Variants in PTH2R observed in about 807,000 individuals in gnomAD.
The protein encoded by PTH2R is PTH2 receptor.
PTH2R carries 59 observed loss-of-function variants against 60.3 expected under a neutral mutation model. The observed-to-expected ratio is 0.98, with a 90% confidence interval of 0.79 to 1.22. The LOEUF is 1.22. Among genes scored for constraint, PTH2R ranks in the 50% most tolerant of loss-of-function variants. The pLI is 0.00. For missense variants in PTH2R, 749 were observed against 682.6 expected (o/e 1.10, Z -1.08); for synonymous variants, 256 against 243.8 (o/e 1.05, Z -0.47).
chr2:208,489,930 C>T (rs1429441662), intron 11 of PTH2R, among the ~76,000 whole-genome samples: 3 of 152,140 alleles, frequency 2.0e-5, no homozygotes, highest in African/African-American at 7.2e-5. Context: ...GCTTTTTCCC[C>T]AAATATTTAC....
chr2:208,367,424 CTTTTTT>C (rs141555131), intron 1 of PTH2R, among the ~76,000 whole-genome samples: 1 of 129,014 alleles, frequency 7.8e-6, no homozygotes, highest in Non-Finnish European at 1.6e-5. Context: ...TTTTCTCTTT[CTTTTTT>C]TTTTTTTTTT....
chr2:208,408,592 G>A (rs1040248533), intron 1 of PTH2R, among the ~76,000 whole-genome samples: 1 of 151,840 alleles, frequency 6.6e-6, no homozygotes, highest in African/African-American at 2.4e-5. Context: ...TTTGGGAGAC[G>A]GGAGGATCTC....
At chr2:208,473,867 A>C (rs1292844726) in intron 9 of PTH2R, among the ~76,000 whole-genome samples, 1 of 152,112 alleles carries the variant, frequency 6.6e-6, no homozygotes, top group Non-Finnish European at 1.5e-5. Flanking sequence ...TTATTGTTTC[A>C]ATTTTATAAC....
At chr2:208,493,218 G>C (rs757712378) in intron 12 of PTH2R, 46 bp from the exon 13 acceptor site, 1 of 1,415,524 alleles carries the variant, frequency 7.1e-7, no homozygotes, top group Non-Finnish European at 9.3e-7. Context: ...AGGCTGCAGG[G>C]TCTCCTTTAG....
chr2:208,381,530 C>A (rs1278522997), intron 1 of PTH2R, among the ~76,000 whole-genome samples: 1 of 152,084 alleles, frequency 6.6e-6, no homozygotes, highest in Non-Finnish European at 1.5e-5. Flanking sequence ...TTAAGTGATC[C>A]TCCTGCCTCA....
At chr2:208,483,251 A>G (rs1267461496) in intron 10 of PTH2R, among the ~76,000 whole-genome samples, 1 of 152,180 alleles carries the variant, frequency 6.6e-6, no homozygotes, top group East Asian at 1.9e-4. Flanking sequence ...GCATGAGTTT[A>G]TGGTGAAAGG....
intron 1 of PTH2R, among the ~76,000 whole-genome samples, chr2:208,412,424 A>T (rs910824287): frequency 1.3e-5 from 2 of 152,206 alleles, no homozygotes; most frequent in African/African-American, 4.8e-5. Flanking sequence ...GTAATCTCAG[A>T]TTCTCATTGC....
intron 1 of PTH2R, among the ~76,000 whole-genome samples, chr2:208,410,266 G>A (rs1384280133): frequency 1.3e-5 from 2 of 152,088 alleles, no homozygotes; most frequent in East Asian, 3.8e-4. Context: ...TATGAGATGG[G>A]CACTGTAATT....
chr2:208,415,237 AT>A (rs1047332336), intron 1 of PTH2R, among the ~76,000 whole-genome samples: 11 of 152,206 alleles, frequency 7.2e-5, no homozygotes, highest in East Asian at 1.9e-4. Flanking sequence ...ATATAAATAA[AT>A]TTTTTTTCTG....
chr2:208,461,445 T>C (rs937580553), intron 9 of PTH2R, among the ~76,000 whole-genome samples: 1 of 152,136 alleles, frequency 6.6e-6, no homozygotes, highest in Non-Finnish European at 1.5e-5. Context: ...TCCTCCTCTG[T>C]GTGTTTGCTT....
intron 1 of PTH2R, among the ~76,000 whole-genome samples, chr2:208,425,635 C>T (rs1701842465): frequency 6.6e-6 from 1 of 152,200 alleles, no homozygotes; most frequent in African/African-American, 2.4e-5. Flanking sequence ...CAAACACCAC[C>T]AGCTTGTCTT....
intron 1 of PTH2R, among the ~76,000 whole-genome samples, chr2:208,394,955 A>T (rs979502546): frequency 6.6e-6 from 1 of 152,176 alleles, no homozygotes; most frequent in Non-Finnish European, 1.5e-5. Flanking sequence ...CAATAACGAG[A>T]CTAAAATCTG....
intron 1 of PTH2R, among the ~76,000 whole-genome samples, chr2:208,409,716 G>C (rs1013819617): frequency 9.9e-5 from 15 of 152,068 alleles, no homozygotes; most frequent in Admixed American, 6.6e-5. Flanking sequence ...TTTCTGGTTG[G>C]TAAAGATATA....
At chr2:208,476,804 G>A (rs910228762) in intron 9 of PTH2R, among the ~76,000 whole-genome samples, 6 of 152,042 alleles carry the variant, frequency 3.9e-5, no homozygotes, top group Non-Finnish European at 8.8e-5. Context: ...GGCTGGGGTG[G>A]ATGATGTGAC....
chr2:208,437,378 A>G (rs536829192), intron 2 of PTH2R, among the ~76,000 whole-genome samples, 159 bp from the exon 3 acceptor site: 1 of 152,308 alleles, frequency 6.6e-6, no homozygotes, highest in East Asian at 1.9e-4. Flanking sequence ...ATTTTGGGAC[A>G]TTTGCATCAT....
intron 7 of PTH2R, among the ~76,000 whole-genome samples, chr2:208,446,081 A>G (rs1702282646): frequency 6.6e-6 from 1 of 152,176 alleles, no homozygotes; most frequent in African/African-American, 2.4e-5. Context: ...TTGATAGAAA[A>G]TTCAATAATG....
At chr2:208,402,421 T>A (rs981000782), upstream of PTH2R, among the ~76,000 whole-genome samples, 3 of 152,256 alleles carry the variant, frequency 2.0e-5, no homozygotes, top group Non-Finnish European at 4.4e-5. Flanking sequence ...CAATATTTAC[T>A]TTTTACAGTG....
At chr2:208,477,834 C>A (rs1225863245) in intron 9 of PTH2R, among the ~76,000 whole-genome samples, 1 of 150,994 alleles carries the variant, frequency 6.6e-6, no homozygotes, top group African/African-American at 2.4e-5. Context: ...TACACAAGAA[C>A]CTTTTAATGA....
intron 9 of PTH2R, among the ~76,000 whole-genome samples, chr2:208,474,261 G>A (rs1387384746): frequency 4.7e-5 from 2 of 42,612 alleles, no homozygotes; most frequent in African/African-American, 2.9e-4. Flanking sequence ...TCAGTAAATA[G>A]TAGCCTATAA....
Sources: gnomAD v4.1 joint callset for allele counts (sites outside exome capture counted in the v4.1 genomes callset) on GRCh38, gnomAD v4.1.1 for gene constraint, MANE v1.5 for transcripts, NCBI Gene and HGNC (gene_info 2026-07-23, HGNC 2026-07-21) for gene names.